The following LUC7L3 variants were observed in gnomAD, a reference collection of about 807,000 sequenced individuals.
The protein encoded by LUC7L3 is LUC7 like 3 pre-mRNA splicing factor, also known as luc7-like protein 3.
Under a neutral mutation model 66.8 loss-of-function variants are expected in LUC7L3, and 6 were observed. The observed-to-expected ratio is 0.09, with a 90% confidence interval of 0.05 to 0.18. The LOEUF (loss-of-function observed/expected upper bound fraction) is 0.18, where lower values mean the gene tolerates loss of function less well. Ranked by LOEUF, LUC7L3 falls within the 10% of genes least tolerant of loss-of-function variation. LUC7L3 has a pLI of 1.00. For synonymous variants in LUC7L3, 160 were observed against 174.7 expected (o/e 0.92, Z 0.66); for missense variants, 341 against 531.1 (o/e 0.64, Z 3.52).
intron 9 of LUC7L3, among the ~76,000 whole-genome samples, chr17:50,748,237 A>C (rs1970797907): frequency 6.6e-6 from 1 of 152,184 alleles, no homozygotes; most frequent in East Asian, 1.9e-4. Flanking sequence ...ATATTTGTGT[A>C]ATTTCTGGAT....
chr17:50,722,946 T>A (rs1968891004), intron 1 of LUC7L3: 1 of 152,192 alleles, frequency 6.6e-6, no homozygotes, highest in African/African-American at 2.4e-5. Context: ...ATTGTTTTGG[T>A]TTTTTGCACT....
chr17:50,737,308 A>C (rs1970044049), intron 2 of LUC7L3: 3 of 532,314 alleles, frequency 5.6e-6, no homozygotes, highest in Non-Finnish European at 1.1e-5. Context: ...AGAGGAGATA[A>C]CATTAGAGAT....
rs1970975814 is a variant in LUC7L3 at position 50,751,576 on chromosome 17, A to ATC, written c.*916_*917insCT. ...GGGCTGCAGTGGTGGCCAGAATTAG[A>ATC]TATCTTTAAAGAATTTTAAATACAA... On this transcript the variant is annotated 3_prime_UTR_variant, in exon 10 of 10. Coordinates refer to ENST00000505658, the MANE Select transcript of LUC7L3 (RefSeq NM_016424.5). The ATC allele has an allele frequency of 4.3e-6, 5 of 1,152,432 alleles. No individual in the cohort carries two copies. The highest frequency in any genetic ancestry group is 4.3e-6 in the Non-Finnish European group (4 of 922,914). 71.4% of individuals were successfully genotyped at this position (1,152,432 alleles called of 1,614,324 possible).
intron 8 of LUC7L3, 75 bp downstream of exon 8, chr17:50,746,078 C>T (rs892730722): frequency 6.8e-7 from 1 of 1,472,974 alleles, no homozygotes; most frequent in Non-Finnish European, 9.0e-7. Context: ...TAGTATTATT[C>T]CTTGGAATGG....
chr17:50,747,160 T>TA (rs1970718016), intron 9 of LUC7L3, among the ~76,000 whole-genome samples: 1 of 151,986 alleles, frequency 6.6e-6, no homozygotes. Flanking sequence ...TTGAATTGCT[T>TA]ACATGTGTCT....
intron 1 of LUC7L3, among the ~76,000 whole-genome samples, chr17:50,724,611 TTGTGTGTG>T (rs58361696): frequency 0.015 from 2,147 of 147,158 alleles, 31 homozygotes; most frequent in African/African-American, 0.036. Context: ...TTTAGGAAAA[TTGTGTGTG>T]TGTGTGTGTG....
At chr17:50,745,591 G>C (rs1970621726) in intron 7 of LUC7L3, 129 bp from the exon 8 acceptor site, 2 of 654,882 alleles carry the variant, frequency 3.1e-6, no homozygotes, top group South Asian at 4.1e-5. Context: ...CATGGTGTTG[G>C]AATGTCTACA....
intron 1 of LUC7L3, among the ~76,000 whole-genome samples, chr17:50,734,751 C>T (rs1179891469): frequency 2.6e-5 from 4 of 152,158 alleles, no homozygotes; most frequent in African/African-American, 9.7e-5. Context: ...TGGCATAAAA[C>T]TAGTGGCTTG....
chr17:50,753,105 T>G lies in LUC7L3; in HGVS notation c.*2444T>G, dbSNP rs1353397543. On this transcript the variant is annotated 3_prime_UTR_variant, in exon 10 of 10. Transcript: ENST00000505658. ...GGGTGTGTAGTATATATGGCAAGGG[T>G]TTTTTCCCCCCACTTAAGTGATTAT... The G allele has an allele frequency of 2.0e-5, 3 of 152,176 alleles. No individual in the cohort carries two copies. Among genetic ancestry groups the G allele is most frequent in the Admixed American group, 2.0e-4 (3 of 15,278 alleles). The allele number at this position is 152,176 out of a possible 1,614,324, so 9.4% of individuals were successfully genotyped here.
Position 50,750,929 on chromosome 17 carries a change from C to T in LUC7L3, c.*268C>T. ...GTGCCTCTTTGGAAATTATCGCCCACATTTGTAATATAGTCGCCATTGAAA... is the reference window on the plus strand; with the variant it reads ...GTGCCTCTTTGGAAATTATCGCCCATATTTGTAATATAGTCGCCATTGAAA... On this transcript the variant is annotated 3_prime_UTR_variant, in exon 10 of 10. Coordinates refer to ENST00000505658, the MANE Select transcript of LUC7L3 (RefSeq NM_016424.5). The T allele has an allele frequency of 6.5e-7, 1 of 1,533,986 alleles. No homozygotes were observed. Among genetic ancestry groups the T allele is most frequent in the South Asian group, 1.2e-5 (1 of 83,646 alleles).
intron 1 of LUC7L3, 98 bp downstream of exon 1, chr17:50,719,929 C>G (rs375101535): frequency 2.6e-5 from 29 of 1,114,524 alleles, no homozygotes; most frequent in African/African-American, 2.3e-4. Context: ...GTGGCCAGGG[C>G]CGCACCCGGG....
At chr17:50,738,063 G>GA in intron 2 of LUC7L3, 3 of 420,792 alleles carry the variant, frequency 7.1e-6, no homozygotes, top group South Asian at 5.2e-5. Context: ...CAGAGTAAAT[G>GA]AATCTATATT....
chr17:50,743,211 A>T (rs1038564706), intron 5 of LUC7L3, among the ~76,000 whole-genome samples: 80 of 118,530 alleles, frequency 6.7e-4, no homozygotes, highest in African/African-American at 9.8e-4. Flanking sequence ...CTTTTTTTTA[A>T]AAAAAAAAAC....
intron 5 of LUC7L3, 117 bp from the exon 6 acceptor site, chr17:50,743,589 T>C (rs1970485685): frequency 1.5e-6 from 1 of 650,696 alleles, no homozygotes; most frequent in African/African-American, 1.8e-5. Context: ...AAAGAGGCTT[T>C]TGTAAATGAA....
chr17:50,739,740 C>G (rs527389026), intron 2 of LUC7L3, among the ~76,000 whole-genome samples: 1 of 152,198 alleles, frequency 6.6e-6, no homozygotes, highest in Non-Finnish European at 1.5e-5. Context: ...GTGAATAGTA[C>G]TTGCATAATA....
At chr17:50,729,508 G>C (rs763982992) in intron 1 of LUC7L3, among the ~76,000 whole-genome samples, 2 of 151,964 alleles carry the variant, frequency 1.3e-5, no homozygotes, top group African/African-American at 2.4e-5. Context: ...AGCTGATCCC[G>C]GCTGCCCAGG....
intron 8 of LUC7L3, 36 bp downstream of exon 8, chr17:50,746,039 A>G (rs1970645992): frequency 6.5e-7 from 1 of 1,548,042 alleles, no homozygotes; most frequent in Non-Finnish European, 8.7e-7. Flanking sequence ...TCCAGCTCAT[A>G]ATGGGTGTGC....
intron 1 of LUC7L3, among the ~76,000 whole-genome samples, chr17:50,721,388 T>C (rs1359559240): frequency 2.6e-5 from 4 of 152,164 alleles, no homozygotes; most frequent in Non-Finnish European, 4.4e-5. Flanking sequence ...ATGTGATGGG[T>C]TTATGACTCT....
intron 1 of LUC7L3, among the ~76,000 whole-genome samples, chr17:50,724,611 T>TTGTGTGTGTGTGTGTGTGTGTGTGTG (rs58361696): frequency 6.8e-6 from 1 of 147,170 alleles, no homozygotes; most frequent in Admixed American, 6.8e-5. Context: ...TTTAGGAAAA[T>TTGTGTGTGTGTGTGTGTGTGTGTGTG]TGTGTGTGTG....
Sources: gnomAD v4.1 joint callset for allele counts (sites outside exome capture counted in the v4.1 genomes callset) on GRCh38, gnomAD v4.1.1 for gene constraint, MANE v1.5 for transcripts, NCBI Gene and HGNC (gene_info 2026-07-23, HGNC 2026-07-21) for gene names.